FARP1: variants seen among roughly 807,000 people sequenced by gnomAD.
FARP1 encodes the protein FERM, ARHGEF and pleckstrin domain-containing protein 1.
FARP1 carries 52 observed loss-of-function variants against 128.8 expected under a neutral mutation model. The ratio of observed to expected loss-of-function variants is 0.40; its 90% CI spans 0.32 to 0.51. The LOEUF (loss-of-function observed/expected upper bound fraction) is 0.51, where lower values mean the gene tolerates loss of function less well. Among genes scored for constraint, FARP1 ranks in the 20% least tolerant of loss-of-function variants. The pLI, the probability that FARP1 is intolerant of heterozygous loss-of-function variation, is 0.45. For missense variants in FARP1, 1,333 were observed against 1,367.9 expected (o/e 0.97, Z 0.40); for synonymous variants, 580 against 551.8 (o/e 1.05, Z -0.72).
At chr13:98,383,847 A>G (rs1335727784) in intron 6 of FARP1, 4 of 152,158 alleles carry the variant, frequency 2.6e-5, no homozygotes, top group African/African-American at 4.8e-5. Context: ...ACAGATAAAA[A>G]CGTGTAAGAC....
chr13:98,353,954 G>T (rs372751680), intron 3 of FARP1, among the ~76,000 whole-genome samples: 1 of 152,186 alleles, frequency 6.6e-6, no homozygotes, highest in East Asian at 1.9e-4. Context: ...TTAAACAAAT[G>T]ATTTAAAAAT....
rs1174325213 is a variant in FARP1 at position 98,384,841 on chromosome 13, A to T, written c.608A>T (p.His203Leu). 2 of 1,590,106 alleles carry T rather than the reference A, an allele frequency of 1.3e-6. No individual in the cohort carries two copies. Among genetic ancestry groups the T allele is most frequent in the African/African-American group, 2.7e-5 (2 of 74,562 alleles). ...EDKIVEFHHNHIGQTPAESDF... is the reference protein window; with the variant it reads ...EDKIVEFHHNLIGQTPAESDF... ...AAAATCGTGGAATTTCACCATAACC[A>T]CATGTAAGTCTCATTCTTGGCTTCA... Residue 203 changes from histidine to leucine, a missense_variant, in exon 7 of 27, where the codon CAC (histidine) becomes CTC (leucine). His to Leu is a moderately conservative substitution (Grantham distance 99). Around this residue, in one of 2 missense-constraint regions of FARP1, gnomAD observed 324 missense variants for 398.1 expected, o/e 0.81. Coordinates refer to ENST00000319562, the MANE Select transcript of FARP1 (RefSeq NM_005766.4).
intron 2 of FARP1, among the ~76,000 whole-genome samples, chr13:98,282,864 G>A (rs1884995544): frequency 6.6e-6 from 1 of 151,882 alleles, no homozygotes; most frequent in African/African-American, 2.4e-5. Flanking sequence ...TCACGCCACT[G>A]CACTCCGGCC....
intron 3 of FARP1, among the ~76,000 whole-genome samples, chr13:98,361,980 C>T (rs9517272): frequency 0.44 from 67,308 of 152,034 alleles, 16,607 homozygotes; most frequent in Non-Finnish European, 0.58. Context: ...AACAAGTAAA[C>T]GGGTTGGGCA....
intron 3 of FARP1, among the ~76,000 whole-genome samples, chr13:98,344,085 GT>G (rs1359484025): frequency 6.6e-6 from 1 of 152,206 alleles, no homozygotes; most frequent in African/African-American, 2.4e-5. Flanking sequence ...CAAGGGCTAT[GT>G]ATCGGCCCTC....
At chr13:98,165,847 A>T (rs1235409519) in intron 1 of FARP1, among the ~76,000 whole-genome samples, 2 of 149,594 alleles carry the variant, frequency 1.3e-5, no homozygotes, top group Non-Finnish European at 3.0e-5. Context: ...CCTCCAGAGT[A>T]GCTGAGATTA....
In FARP1 at chr13:98,343,743, CTGT is replaced by C; in HGVS notation, c.172-14_172-12del. ...TCCGTGCCTGCCTCAGGGATAACCC[CTGT>C]TGTTTCTGCTCACAGCAAAGAGCTC... On this transcript the variant is annotated splice_polypyrimidine_tract_variant and intron_variant, in intron 2 of 26. Transcript: ENST00000319562. 6.4e-7 allele frequency: 1 copy of C among 1,574,338 alleles called. No homozygotes were observed. Among genetic ancestry groups the C allele is most frequent in the Non-Finnish European group, 8.7e-7 (1 of 1,143,978 alleles).
At chr13:98,341,526 G>A (rs1887974689) in intron 2 of FARP1, among the ~76,000 whole-genome samples, 1 of 152,158 alleles carries the variant, frequency 6.6e-6, no homozygotes, top group African/African-American at 2.4e-5. Context: ...CAGCTACCTG[G>A]GAAGCTGAGG....
intron 13 of FARP1, chr13:98,397,985 A>G (rs770339985): frequency 2.0e-5 from 3 of 151,814 alleles, no homozygotes; most frequent in Non-Finnish European, 4.4e-5. Flanking sequence ...GAGTCCTAAC[A>G]AGGATAGCTC....
At chr13:98,420,978 C>T (rs1174436449) in intron 16 of FARP1, among the ~76,000 whole-genome samples, 3 of 152,208 alleles carry the variant, frequency 2.0e-5, no homozygotes, top group Non-Finnish European at 2.9e-5. Flanking sequence ...TGGACCCAAG[C>T]AGGGCTGGGA....
In FARP1 at chr13:98,389,987, A is replaced by G. The variant is rs1447035365; in HGVS notation, c.886A>G (p.Met296Val). The G allele has an allele frequency of 6.2e-7, 1 of 1,614,022 alleles. No homozygotes were observed. Among genetic ancestry groups the G allele is most frequent in the Admixed American group, 1.7e-5 (1 of 60,004 alleles). Reference sequence around the variant, plus strand: ...GTACCAGGATACCTTGGAATTCCTGATGGCCAGTCGGGATTTCTGCAAGTC... The same window carrying G: ...GTACCAGGATACCTTGGAATTCCTGGTGGCCAGTCGGGATTTCTGCAAGTC... Reference protein sequence around the residue: ...SAYQDTLEFLMASRDFCKSFW... With the variant: ...SAYQDTLEFLVASRDFCKSFW... The change falls in exon 10 of 27, where the codon ATG becomes GTG. Residue 296 changes from methionine to valine, a missense_variant. Around this residue, in one of 2 missense-constraint regions of FARP1, gnomAD observed 324 missense variants for 398.1 expected, o/e 0.81. Transcript: ENST00000319562.
At chr13:98,253,330 G>C (rs1297033342) in intron 2 of FARP1, among the ~76,000 whole-genome samples, 1 of 152,236 alleles carries the variant, frequency 6.6e-6, no homozygotes, top group East Asian at 1.9e-4. Flanking sequence ...AGTCTCAGTA[G>C]CTGCCGTTGA....
intron 2 of FARP1, among the ~76,000 whole-genome samples, chr13:98,275,336 G>GGAGAGA (rs58331449): frequency 0.018 from 2,617 of 143,586 alleles, 60 homozygotes; most frequent in African/African-American, 0.048. Context: ...ATGTGGGTAA[G>GGAGAGA]GAGAGAGAGA....
chr13:98,176,052 T>G lies in FARP1; in HGVS notation c.-24+32560T>G. ...CACATACCTCTTTGAGATCCGGATT[T>G]CAATTCTTTTGGTTACATACTCAGG... On this transcript the variant is annotated intron_variant, in intron 1 of 26. Coordinates refer to ENST00000319562, the MANE Select transcript of FARP1 (RefSeq NM_005766.4). The surrounding 1 kb of genome is among the most constrained non-coding windows in gnomAD (Gnocchi z 6.2). 1.0e-6 allele frequency: 1 copy of G among 985,788 alleles called. No individual in the cohort carries two copies. The highest frequency in any genetic ancestry group is 1.6e-6 in the Non-Finnish European group (1 of 636,260). The allele number at this position is 985,788 out of a possible 1,614,324, so 61.1% of individuals were successfully genotyped here. A position where few individuals can be genotyped will look rare whatever the true frequency, so the allele number is the denominator to read the frequency against.
chr13:98,429,663 C>G (rs1414344305), intron 17 of FARP1, among the ~76,000 whole-genome samples: 1 of 152,094 alleles, frequency 6.6e-6, no homozygotes, highest in African/African-American at 2.4e-5. Flanking sequence ...ATGCGGGGGC[C>G]CCAGCTGAGG....
At chr13:98,220,318 C>A (rs1186592550) in intron 2 of FARP1, among the ~76,000 whole-genome samples, 1 of 152,128 alleles carries the variant, frequency 6.6e-6, no homozygotes, top group Admixed American at 6.5e-5. Context: ...GAGGATAGAC[C>A]CAAATAAAAT....
chr13:98,422,596 A>G (rs898503931), intron 16 of FARP1, among the ~76,000 whole-genome samples: 1 of 152,184 alleles, frequency 6.6e-6, no homozygotes, highest in Non-Finnish European at 1.5e-5. Flanking sequence ...AATTTGCACT[A>G]TATGCTTAGT....
At chr13:98,369,509 TCCCC>T (rs1889239599) in intron 5 of FARP1, among the ~76,000 whole-genome samples, 1 of 151,674 alleles carries the variant, frequency 6.6e-6, no homozygotes, top group Non-Finnish European at 1.5e-5. Context: ...ATGCTATCCC[TCCCC>T]GCTCCCCCCA....
intron 2 of FARP1, among the ~76,000 whole-genome samples, chr13:98,270,350 G>T (rs1884333346): frequency 6.6e-6 from 1 of 151,444 alleles, no homozygotes; most frequent in Admixed American, 6.6e-5. Flanking sequence ...CCGTCAAAAG[G>T]GTTTTGTGCT....
Sources: allele counts gnomAD v4.1 joint callset (sites outside exome capture counted in the v4.1 genomes callset), GRCh38; gene constraint gnomAD v4.1.1; regional missense constraint gnomAD v4.1.1; non-coding constraint Gnocchi (gnomAD v3.1); transcripts MANE v1.5; gene names NCBI Gene and HGNC (gene_info 2026-07-23, HGNC 2026-07-21).